The following RGS5 variants were observed in gnomAD, a reference collection of about 807,000 sequenced individuals.
RGS5 encodes the protein regulator of G-protein signalling 5.
In RGS5, 20 loss-of-function variants were observed where a neutral mutation model predicts 18.9. The ratio of observed to expected loss-of-function variants is 1.06; its 90% CI spans 0.74 to 1.54. The LOEUF (loss-of-function observed/expected upper bound fraction) is 1.54, where lower values mean the gene tolerates loss of function less well. Among genes scored for constraint, RGS5 ranks in the 40% most tolerant of loss-of-function variants. The pLI, the probability that RGS5 is intolerant of heterozygous loss-of-function variation, is 0.00. For missense variants in RGS5, 201 were observed against 211.8 expected, an observed-to-expected ratio of 0.95 and a Z score of 0.32; for synonymous variants, 57 against 76.2, an observed-to-expected ratio of 0.75 and a Z score of 1.31.
Position 163,299,657 on chromosome 1 carries a change from G to A in RGS5, c.-281+6576C>T, listed in dbSNP as rs180803940. Reference sequence around the variant, plus strand: ...TGCTGCTTTGTGTTGATGACAACTCGAAAACAAACACTGGGATATTTTCTC... The same window carrying A: ...TGCTGCTTTGTGTTGATGACAACTCAAAAACAAACACTGGGATATTTTCTC... On this transcript the variant is annotated intron_variant, in intron 2 of 5. Coordinates refer to the RGS5 transcript ENST00000618415. Among the ~76,000 whole-genome samples the A allele has an allele frequency of 5.8e-4, 89 of 152,300 alleles. No homozygotes were observed. The East Asian group carries it at 0.015, about 26-fold the overall frequency.
At chr1:163,214,786 T>C (rs1485444147) in intron 1 of RGS5, among the ~76,000 whole-genome samples, 3 of 152,240 alleles carry the variant, frequency 2.0e-5, no homozygotes, top group Non-Finnish European at 4.4e-5. Flanking sequence ...CTTTAAAAAG[T>C]GTTTGCTTTA....
upstream of RGS5, among the ~76,000 whole-genome samples, chr1:163,219,556 T>G (rs12740937): frequency 6.6e-6 from 1 of 152,170 alleles, no homozygotes; most frequent in East Asian, 1.9e-4. Flanking sequence ...ATATGTCTCT[T>G]CATTCTAATT....
At chr1:163,207,960 A>C (rs1055071095) in intron 1 of RGS5, among the ~76,000 whole-genome samples, 2 of 152,186 alleles carry the variant, frequency 1.3e-5, no homozygotes, top group Non-Finnish European at 2.9e-5. Flanking sequence ...ACATATAGGA[A>C]AATCATAAAA....
chr1:163,220,153 C>A (rs2662769), upstream of RGS5, among the ~76,000 whole-genome samples: 111,430 of 152,098 alleles, frequency 0.73, 42,252 homozygotes, highest in African/African-American at 0.94. Flanking sequence ...TCTCTGAAAC[C>A]AGTGAAGTTG....
intron 2 of RGS5, among the ~76,000 whole-genome samples, chr1:163,252,168 G>A (rs1345746679): frequency 1.3e-5 from 2 of 152,004 alleles, no homozygotes; most frequent in African/African-American, 4.8e-5. Context: ...CCAACACTTG[G>A]TATTGCATGT....
chr1:163,237,112 A>G (rs1429986705), intron 2 of RGS5: 1 of 152,280 alleles, frequency 6.6e-6, no homozygotes, highest in Non-Finnish European at 1.5e-5. Flanking sequence ...TAAATGTTGG[A>G]GAGGATGTGG....
chr1:163,292,375 T>C (rs182333914), intron 2 of RGS5, among the ~76,000 whole-genome samples: 33 of 152,354 alleles, frequency 2.2e-4, no homozygotes, highest in Middle Eastern at 3.4e-3. Flanking sequence ...CTGCATAGTA[T>C]TCCGTGGTGT....
chr1:163,226,690 A>C (rs888114264), intron 2 of RGS5, among the ~76,000 whole-genome samples: 2 of 152,250 alleles, frequency 1.3e-5, no homozygotes, highest in Non-Finnish European at 2.9e-5. Context: ...CTAGAGAATT[A>C]TCTTTTCTAA....
intron 2 of RGS5, among the ~76,000 whole-genome samples, chr1:163,273,667 G>A (rs1400316580): frequency 1.3e-5 from 2 of 151,938 alleles, no homozygotes; most frequent in African/African-American, 2.4e-5. Flanking sequence ...TAACATATAG[G>A]ACCACTCAGA....
chr1:163,144,815 G>A lies in RGS5; in HGVS notation c.*2527C>T, dbSNP rs2815274. The A allele has an allele frequency of 0.78, 119,243 of 152,538 alleles. 46,912 individuals are homozygous for A. The highest frequency in any genetic ancestry group is 0.89 in the East Asian group (4,584 of 5,172). 9.4% of individuals were successfully genotyped at this position (152,538 alleles called of 1,614,324 possible). Reference sequence around the variant, plus strand: ...TTTTCTAAGTTTCCAAAAACTTTCAGAAGTGTTCAAAGAAATTTTCTTGAA... The same window carrying A: ...TTTTCTAAGTTTCCAAAAACTTTCAAAAGTGTTCAAAGAAATTTTCTTGAA... On this transcript the variant is annotated 3_prime_UTR_variant, in exon 5 of 5. Transcript: ENST00000313961.
chr1:163,170,040 T>G (rs781498252), intron 1 of RGS5, among the ~76,000 whole-genome samples: 19 of 152,194 alleles, frequency 1.2e-4, no homozygotes, highest in Admixed American at 5.9e-4. Context: ...AACCTTCTAA[T>G]CTATCCATCA....
At chr1:163,298,360 C>A (rs1533026) in intron 2 of RGS5, among the ~76,000 whole-genome samples, 32,371 of 151,912 alleles carry the variant, frequency 0.21, 3,690 homozygotes, top group African/African-American at 0.3. Flanking sequence ...AATAAACTGA[C>A]AGTAGACAGT....
chr1:163,158,931 G>A (rs763042566), intron 3 of RGS5, among the ~76,000 whole-genome samples: 10 of 152,034 alleles, frequency 6.6e-5, no homozygotes, highest in Admixed American at 2.6e-4. Context: ...AAAGACAGCC[G>A]TTCCCAAAGC....
intron 1 of RGS5, among the ~76,000 whole-genome samples, chr1:163,216,693 C>T (rs910138378): frequency 6.6e-6 from 1 of 152,136 alleles, no homozygotes; most frequent in African/African-American, 2.4e-5. Context: ...ACGATATTAT[C>T]ATGTAAGACT....
intron 1 of RGS5, among the ~76,000 whole-genome samples, chr1:163,210,307 G>C (rs138747748): frequency 5.1e-4 from 77 of 152,184 alleles, no homozygotes; most frequent in Admixed American, 2.1e-3. Context: ...CAGGCTGTAT[G>C]TCTTTATTCT....
In RGS5 at chr1:163,146,778, A is replaced by C. The variant is rs1299387471; in HGVS notation, c.*564T>G. ...TATTTATAATACCCAACTAACATGA[A>C]GGTGGTCCAAGGGAAGGATCAATAT... On this transcript the variant is annotated 3_prime_UTR_variant, in exon 5 of 5. Coordinates refer to ENST00000313961, the MANE Select transcript of RGS5 (RefSeq NM_003617.4). 2.6e-5 allele frequency: 4 copies of C among 152,278 alleles called. No individual in the cohort carries two copies. In the East Asian group the frequency reaches 7.7e-4, roughly 29 times the overall value. 9.4% of individuals were successfully genotyped at this position (152,278 alleles called of 1,614,324 possible). A position where few individuals can be genotyped will look rare whatever the true frequency, so the allele number is the denominator to read the frequency against.
intron 1 of RGS5, among the ~76,000 whole-genome samples, chr1:163,215,478 G>A (rs1294644514): frequency 6.6e-6 from 1 of 152,146 alleles, no homozygotes; most frequent in Non-Finnish European, 1.5e-5. Flanking sequence ...CAATACTAGT[G>A]TGTCAGTGGG....
Position 163,303,946 on chromosome 1 carries a change from C to T in RGS5, c.-281+2287G>A, listed in dbSNP as rs141517442. The stretch of plus-strand genomic sequence containing the variant: ...AAAACCAATCCCCCCACATATCCAA[C>T]GCCCTTGACATCCAACTCCTGCTCC... On this transcript the variant is annotated intron_variant, in intron 2 of 5. Transcript: ENST00000618415. 2.6e-3 allele frequency among the ~76,000 whole-genome samples: 401 copies of T among 152,210 alleles called. 1 individual carries two copies. The highest frequency in any genetic ancestry group is 9.2e-3 in the African/African-American group (384 of 41,534).
intron 3 of RGS5, 102 bp from the exon 4 acceptor site, chr1:163,152,818 C>G: frequency 9.0e-7 from 1 of 1,105,946 alleles, no homozygotes; most frequent in Non-Finnish European, 1.3e-6. Flanking sequence ...CTCTTCTATG[C>G]ACAAAGTTTT....
Sources: allele counts gnomAD v4.1 joint callset (sites outside exome capture counted in the v4.1 genomes callset), GRCh38; gene constraint gnomAD v4.1.1; transcripts MANE v1.5; gene names NCBI Gene and HGNC (gene_info 2026-07-23, HGNC 2026-07-21).